Variants in GAB4 observed in about 807,000 individuals in gnomAD.
GAB4 encodes GRB2-associated-binding protein 4.
A neutral mutation model predicts 51.3 loss-of-function variants in GAB4; 26 were observed. That is an observed-to-expected ratio of 0.51 (90% confidence interval 0.37 to 0.70). The LOEUF (loss-of-function observed/expected upper bound fraction) is 0.70, where lower values mean the gene tolerates loss of function less well. GAB4 is among the 30% of genes least tolerant of loss of function. GAB4 has a pLI of 0.00. For missense variants in GAB4, 759 were observed against 734.6 expected (o/e 1.03, Z -0.38); for synonymous variants, 329 against 291.2 (o/e 1.13, Z -1.32).
At chr22:17,007,919 C>G in intron 1 of GAB4, 22 bp downstream of exon 1, 3 of 1,459,400 alleles carry the variant, frequency 2.1e-6, no homozygotes, top group Non-Finnish European at 2.7e-6. Context: ...GCTCCTGGTA[C>G]CGCCCCCACT....
intron 1 of GAB4, among the ~76,000 whole-genome samples, chr22:16,994,599 G>A (rs770956688): frequency 4.6e-5 from 7 of 152,162 alleles, no homozygotes; most frequent in African/African-American, 1.4e-4. Context: ...TTATGCAGCC[G>A]TATTTCCATA....
Position 16,988,072 on chromosome 22 carries a change from G to T in GAB4, c.574C>A (p.Pro192Thr). The change falls in exon 3 of 10, where the codon CCC (proline) becomes ACC (threonine). Residue 192 changes from proline to threonine, a missense_variant. Pro to Thr is a conservative substitution (Grantham distance 38, BLOSUM62 -1). Transcript: ENST00000400588. The part of the protein sequence containing the change: ...SHQHLPQEQE[P>T]TSEPPVSHCV... ...TGAGACACCGGGGGCTCAGATGTGG[G>T]TTCTTGTTCTTGGGGGAGGTGCTGA... The T allele has an allele frequency of 6.2e-7, 1 of 1,608,696 alleles. No individual in the cohort carries two copies. Among genetic ancestry groups the T allele is most frequent in the East Asian group, 2.2e-5 (1 of 44,844 alleles).
chr22:16,964,269 C>T (rs2060652978), intron 8 of GAB4, among the ~76,000 whole-genome samples: 1 of 152,190 alleles, frequency 6.6e-6, no homozygotes, highest in African/African-American at 2.4e-5. Flanking sequence ...GAAAAGTGGC[C>T]GCCCTGGGCT....
At chr22:16,973,891 C>T (rs568831119) in intron 3 of GAB4, among the ~76,000 whole-genome samples, 1 of 152,358 alleles carries the variant, frequency 6.6e-6, no homozygotes, top group South Asian at 2.1e-4. Context: ...TCCTAGCCAA[C>T]CATGTCCTCC....
intron 1 of GAB4, among the ~76,000 whole-genome samples, chr22:17,004,174 A>G (rs1028766884): frequency 3.9e-5 from 6 of 152,188 alleles, no homozygotes. Context: ...AATTGAAGCA[A>G]TAATTAATAG....
Position 16,962,440 on chromosome 22 carries a change from A to C in GAB4, c.*293T>G, listed in dbSNP as rs2060636617. 1 of 260,468 alleles carries C rather than the reference A, an allele frequency of 3.8e-6. No homozygotes were observed. Among genetic ancestry groups the C allele is most frequent in the African/African-American group, 2.2e-5 (1 of 45,498 alleles). The allele number at this position is 260,468 out of a possible 1,614,324, so 16.1% of individuals were successfully genotyped here. On this transcript the variant is annotated 3_prime_UTR_variant, in exon 10 of 10. Coordinates refer to ENST00000400588, the MANE Select transcript of GAB4 (RefSeq NM_001037814.1). The stretch of plus-strand genomic sequence containing the variant: ...GGAAACAGCCCAGAGGCTAGAAGGA[A>C]GAGGCTGAGGACCATGAGTAAGTGT...
intron 7 of GAB4, 53 bp downstream of exon 7, chr22:16,965,125 C>A (rs890195526): frequency 7.5e-7 from 1 of 1,339,534 alleles, no homozygotes; most frequent in South Asian, 1.2e-5. Context: ...CCATCCCACT[C>A]ACTCCTCCAC....
intron 1 of GAB4, among the ~76,000 whole-genome samples, chr22:16,998,868 G>A (rs113099658): frequency 5.0e-4 from 76 of 152,240 alleles, no homozygotes; most frequent in African/African-American, 1.7e-3. Context: ...GAATTTTGTC[G>A]AAGGCCTTTT....
intron 3 of GAB4, among the ~76,000 whole-genome samples, chr22:16,970,845 G>C (rs898094581): frequency 6.6e-6 from 1 of 152,178 alleles, no homozygotes; most frequent in Non-Finnish European, 1.5e-5. Context: ...TCTCTCCCCA[G>C]AAACCTAAAC....
At chr22:17,007,843 A>C in intron 1 of GAB4, 98 bp downstream of exon 1, 1 of 1,143,838 alleles carries the variant, frequency 8.7e-7, no homozygotes, top group Non-Finnish European at 1.2e-6. Flanking sequence ...CTCCACCCGC[A>C]GCTCCTCCCG....
At chr22:16,964,910 C>A in intron 7 of GAB4, 48 bp from the exon 8 acceptor site, 1 of 1,443,714 alleles carries the variant, frequency 6.9e-7, no homozygotes, top group Non-Finnish European at 9.7e-7. Context: ...GGGCTCAGGG[C>A]TGCTGTCAGG....
chr22:16,980,218 C>T (rs2060816001), intron 3 of GAB4, among the ~76,000 whole-genome samples: 5 of 152,136 alleles, frequency 3.3e-5, no homozygotes, highest in Admixed American at 3.3e-4. Context: ...TCAGAGTGAA[C>T]AGGCAAACAA....
At position 17,008,205 on chromosome 22, in the gene GAB4, G is replaced by T; in HGVS notation, c.-91C>A. On this transcript the variant is annotated 5_prime_UTR_variant, in exon 1 of 10. Coordinates refer to ENST00000400588, the MANE Select transcript of GAB4 (RefSeq NM_001037814.1). ...TGAGGGACGGCTTGCGATACCCTGGGACTGCGGGGTAGAAAGCGCAGTTCT... is the reference window on the plus strand; with the variant it reads ...TGAGGGACGGCTTGCGATACCCTGGTACTGCGGGGTAGAAAGCGCAGTTCT... 1 of 912,194 alleles carries T rather than the reference G, an allele frequency of 1.1e-6. No homozygotes were observed. The highest frequency in any genetic ancestry group is 1.6e-5 in the South Asian group (1 of 63,946). 56.5% of individuals were successfully genotyped at this position (912,194 alleles called of 1,614,324 possible). A position where few individuals can be genotyped will look rare whatever the true frequency, so the allele number is the denominator to read the frequency against.
Position 17,008,102 on chromosome 22 carries a change from A to G in GAB4, c.13T>C (p.Ser5Pro). 2 of 1,603,340 alleles carry G rather than the reference A, an allele frequency of 1.2e-6. No individual in the cohort carries two copies. Among genetic ancestry groups the G allele is most frequent in the Non-Finnish European group, 1.7e-6 (2 of 1,174,726 alleles). ...CACAGCTCCCGGGAGGGTGAGGGGG[A>G]CGGCAGGGACATGGGGGCTGCAGCT... MSLP[S>P]PSPSRELCPP... is the part of the protein sequence containing the mutation. The change falls in exon 1 of 10, where the codon TCC becomes CCC. Residue 5 changes from serine to proline, a missense_variant. Transcript: ENST00000400588.
At chr22:16,965,140 C>A (rs2060661580) in intron 7 of GAB4, 38 bp downstream of exon 7, 1 of 1,507,858 alleles carries the variant, frequency 6.6e-7, no homozygotes. Context: ...CTCCACCGGC[C>A]CGGTCCCAAG....
chr22:16,969,865 G>A (rs1601251192), intron 4 of GAB4, 78 bp downstream of exon 4: 2 of 1,542,390 alleles, frequency 1.3e-6, no homozygotes, highest in East Asian at 4.5e-5. Context: ...GGGGTGGCCG[G>A]AACACCACTA....
intron 1 of GAB4, among the ~76,000 whole-genome samples, chr22:16,994,457 T>A (rs2060935888): frequency 6.6e-6 from 1 of 152,246 alleles, no homozygotes; most frequent in Non-Finnish European, 1.5e-5. Flanking sequence ...ATTCTGTGTG[T>A]ACATGGTGCA....
At chr22:16,964,351 T>C (rs1310635060) in intron 8 of GAB4, among the ~76,000 whole-genome samples, 2 of 152,212 alleles carry the variant, frequency 1.3e-5, no homozygotes, top group Non-Finnish European at 2.9e-5. Context: ...ATGTTGGTCA[T>C]GATGCCCTCT....
At position 16,987,494 on chromosome 22, in the gene GAB4, G is replaced by T. The variant is rs147557472; in HGVS notation, c.686+466C>A. ...CTACTATAACTGAGAAACTGAACTC[G>T]AAATTTAATTTAATTTTAATTAGCT... On this transcript the variant is annotated intron_variant, in intron 3 of 9. Transcript: ENST00000400588. 4.1e-3 allele frequency among the ~76,000 whole-genome samples: 618 copies of T among 152,320 alleles called. 1 individual carries two copies. Among genetic ancestry groups the T allele is most frequent in the Middle Eastern group, 0.024 (7 of 294 alleles).
Sources: allele counts gnomAD v4.1 joint callset (sites outside exome capture counted in the v4.1 genomes callset), GRCh38; gene constraint gnomAD v4.1.1; transcripts MANE v1.5; gene names NCBI Gene and HGNC (gene_info 2026-07-23, HGNC 2026-07-21).